The following GLRA2 variants were observed in gnomAD, a reference collection of about 807,000 sequenced individuals.
GLRA2 encodes glycine receptor subunit alpha-2.
A neutral mutation model predicts 31.6 loss-of-function variants in GLRA2; 11 were observed. The observed-to-expected ratio is 0.35, with a 90% confidence interval of 0.22 to 0.58. GLRA2 has a LOEUF of 0.58. Ranked by LOEUF, GLRA2 falls within the 20% of genes least tolerant of loss-of-function variation. The pLI, the probability that GLRA2 is intolerant of heterozygous loss-of-function variation, is 0.84. For missense variants in GLRA2, 212 were observed against 351.8 expected (o/e 0.60, Z 3.18); for synonymous variants, 132 against 134.0 (o/e 0.99, Z 0.10).
At chrX:14,655,576 T>C (rs984292946) in intron 7 of GLRA2, among the ~76,000 whole-genome samples, 4 of 111,900 alleles carry the variant, frequency 3.6e-5, no homozygotes, top group Non-Finnish European at 7.5e-5. Flanking sequence ...AAACTCCCCA[T>C]CTGACTCTTT....
chrX:14,487,786 C>T, the GLRA2 span, among the ~76,000 whole-genome samples: 4 of 111,835 alleles, frequency 3.6e-5, no homozygotes, highest in Admixed American at 1.9e-4. Context: ...ATCTTTGTCT[C>T]CCTCCCACCT....
intron 8 of GLRA2, among the ~76,000 whole-genome samples, 199 bp downstream of exon 8, chrX:14,691,058 A>G (rs1368378055): frequency 8.9e-6 from 1 of 112,088 alleles, no homozygotes; most frequent in Non-Finnish European, 1.9e-5. Context: ...ATAAAAATAC[A>G]TATCATGGAG....
chrX:14,689,555 T>C (rs1454404962), intron 7 of GLRA2, among the ~76,000 whole-genome samples: 1 of 112,190 alleles, frequency 8.9e-6, no homozygotes, highest in Non-Finnish European at 1.9e-5. Flanking sequence ...TGTCATTTAT[T>C]ACTTTTGTTA....
At chrX:14,674,117 G>C (rs1034280912) in intron 7 of GLRA2, among the ~76,000 whole-genome samples, 1 of 112,205 alleles carries the variant, frequency 8.9e-6, no homozygotes, top group African/African-American at 3.2e-5. Context: ...TAAAGTTAAT[G>C]AGTGAACTCA....
At chrX:14,476,796 T>C in the GLRA2 span, among the ~76,000 whole-genome samples, 1 of 112,360 alleles carries the variant, frequency 8.9e-6, no homozygotes, top group Non-Finnish European at 1.9e-5. Flanking sequence ...GCTTTTGTTC[T>C]AGCCATTCTA....
the GLRA2 span, among the ~76,000 whole-genome samples, chrX:14,484,341 C>G: frequency 9.0e-6 from 1 of 111,658 alleles, no homozygotes; most frequent in Non-Finnish European, 1.9e-5. Flanking sequence ...CTTTGCATTC[C>G]TTGAGGAAGG....
the GLRA2 span, among the ~76,000 whole-genome samples, chrX:14,474,894 A>C: frequency 2.7e-5 from 3 of 112,347 alleles, no homozygotes; most frequent in African/African-American, 9.7e-5. Context: ...CCTACTGGCC[A>C]AATCAAATCT....
At chrX:14,654,788 A>G (rs1478692140) in intron 7 of GLRA2, among the ~76,000 whole-genome samples, 2 of 111,860 alleles carry the variant, frequency 1.8e-5, no homozygotes, top group Admixed American at 1.9e-4. Context: ...TATAAAGAAA[A>G]AGAGGTTTAA....
At chrX:14,527,622 A>G (rs1417287046), upstream of GLRA2, among the ~76,000 whole-genome samples, 2 of 110,641 alleles carry the variant, frequency 1.8e-5, no homozygotes, top group South Asian at 3.9e-4. Flanking sequence ...TCGGGAAAAA[A>G]AAAAAAAGAG....
At chrX:14,457,681 G>A in the GLRA2 span, among the ~76,000 whole-genome samples, 1 of 111,352 alleles carries the variant, frequency 9.0e-6, no homozygotes, top group Admixed American at 9.5e-5. Flanking sequence ...TGTCTTTATA[G>A]TAGAATGATT....
Position 14,607,277 on chromosome X carries a change from C to CTTTTTT in GLRA2, c.715+19_715+24dup. On this transcript the variant is annotated intron_variant, in intron 6 of 8. Transcript: ENST00000218075. The stretch of plus-strand genomic sequence containing the variant: ...AAAGCACTACAACACTGGTAAGTTT[C>CTTTTTT]TTTTTTTTTTTTTTTCAGCTGTTAA... The CTTTTTT allele has an allele frequency of 5.1e-6, 5 of 981,231 alleles. No homozygotes were observed. Among genetic ancestry groups the CTTTTTT allele is most frequent in the South Asian group, 2.4e-5 (1 of 41,964 alleles). 80.9% of individuals were successfully genotyped at this position (981,231 alleles called of 1,213,427 possible).
chrX:14,663,281 T>G (rs1569518420), intron 7 of GLRA2, among the ~76,000 whole-genome samples: 2 of 111,520 alleles, frequency 1.8e-5, no homozygotes, highest in Admixed American at 1.9e-4. Context: ...TATTAAAGAT[T>G]TTCATGAAGA....
chrX:14,585,486 T>C (rs2090070581), intron 4 of GLRA2, among the ~76,000 whole-genome samples: 1 of 112,012 alleles, frequency 8.9e-6, no homozygotes, highest in Non-Finnish European at 1.9e-5. Context: ...TCAATTTAAC[T>C]AGAGGTCAAG....
intron 4 of GLRA2, among the ~76,000 whole-genome samples, chrX:14,593,574 C>T (rs905856948): frequency 8.9e-6 from 1 of 112,359 alleles, no homozygotes; most frequent in East Asian, 2.8e-4. Context: ...TGGGGTGGGA[C>T]AAATGTCAGT....
chrX:14,530,730 A>G (rs1024407413), intron 1 of GLRA2, among the ~76,000 whole-genome samples: 4 of 111,840 alleles, frequency 3.6e-5, no homozygotes, highest in African/African-American at 1.3e-4. Flanking sequence ...TACATATGAG[A>G]AGTGGAGCAT....
At chrX:14,562,855 T>C (rs1323770991) in intron 2 of GLRA2, among the ~76,000 whole-genome samples, 1 of 111,641 alleles carries the variant, frequency 9.0e-6, no homozygotes, top group East Asian at 2.8e-4. Flanking sequence ...GTACTGAGGG[T>C]TAAGGCATAT....
At chrX:14,580,866 T>C (rs759627536) in intron 3 of GLRA2, among the ~76,000 whole-genome samples, 6 of 111,502 alleles carry the variant, frequency 5.4e-5, no homozygotes, top group East Asian at 5.6e-4. Context: ...GATTTCTGTG[T>C]TCATTGTTTA....
At chrX:14,698,681 C>CAAAAAA (rs749925474) in intron 8 of GLRA2, among the ~76,000 whole-genome samples, 2 of 21,140 alleles carry the variant, frequency 9.5e-5, no homozygotes, top group Non-Finnish European at 1.6e-4. Context: ...CTATCTATCT[C>CAAAAAA]AAAAAAAAAA....
chrX:14,709,296 C>G (rs1353963469), intron 8 of GLRA2, among the ~76,000 whole-genome samples: 1 of 111,662 alleles, frequency 9.0e-6, no homozygotes, highest in Non-Finnish European at 1.9e-5. Context: ...GTGTTACATA[C>G]CTTCATGCAC....
Sources: gnomAD v4.1 joint callset for allele counts (sites outside exome capture counted in the v4.1 genomes callset) on GRCh38, gnomAD v4.1.1 for gene constraint, MANE v1.5 for transcripts, NCBI Gene and HGNC (gene_info 2026-07-23, HGNC 2026-07-21) for gene names.